The following NUP93 variants were observed in gnomAD, a reference collection of about 807,000 sequenced individuals.
The protein encoded by NUP93 is nucleoporin 93, also known as nuclear pore complex protein Nup93.
A neutral mutation model predicts 107.8 loss-of-function variants in NUP93; 55 were observed. The ratio of observed to expected loss-of-function variants is 0.51; its 90% confidence interval spans 0.41 to 0.64. The LOEUF (loss-of-function observed/expected upper bound fraction) is 0.64, where lower values mean the gene tolerates loss of function less well. NUP93 is among the 30% of genes least tolerant of loss of function. The pLI is 0.00. For missense variants in NUP93, 937 were observed against 1,044.7 expected (o/e 0.90, Z 1.42); for synonymous variants, 390 against 397.5 (o/e 0.98, Z 0.22).
chr16:56,756,221 C>T (rs922695140), intron 2 of NUP93, among the ~76,000 whole-genome samples: 3 of 149,958 alleles, frequency 2.0e-5, no homozygotes, highest in Admixed American at 6.7e-5. Flanking sequence ...TGGTTTGCCA[C>T]ACTTATCAAC....
chr16:56,791,808 T>C (rs1162364142), intron 3 of NUP93, among the ~76,000 whole-genome samples: 5 of 152,226 alleles, frequency 3.3e-5, no homozygotes, highest in African/African-American at 4.8e-5. Context: ...AACACATGAC[T>C]GGAGATACTG....
intron 8 of NUP93, among the ~76,000 whole-genome samples, chr16:56,828,206 A>T (rs564246536): frequency 5.0e-5 from 7 of 138,726 alleles, no homozygotes; most frequent in South Asian, 2.5e-4. Flanking sequence ...AAAAAAAAAA[A>T]AAAAAAAAGA....
intron 2 of NUP93, among the ~76,000 whole-genome samples, chr16:56,755,376 A>G (rs1163261874): frequency 6.7e-6 from 1 of 149,252 alleles, no homozygotes; most frequent in Non-Finnish European, 1.5e-5. Flanking sequence ...AAGACTGTAT[A>G]TTGTGTGATT....
At chr16:56,836,820 C>T (rs1963922219) in intron 17 of NUP93, 103 bp downstream of exon 17, 1 of 703,940 alleles carries the variant, frequency 1.4e-6, no homozygotes, top group South Asian at 1.8e-5. Context: ...AGCACCCTCC[C>T]TGCAGAGGCA....
intron 3 of NUP93, among the ~76,000 whole-genome samples, chr16:56,778,478 G>A (rs1453594013): frequency 6.6e-6 from 1 of 152,154 alleles, no homozygotes; most frequent in African/African-American, 2.4e-5. Context: ...GCCAGTGGAA[G>A]GATAGCTGCT....
At chr16:56,746,083 A>G (rs890448745) in intron 1 of NUP93, among the ~76,000 whole-genome samples, 2 of 152,032 alleles carry the variant, frequency 1.3e-5, no homozygotes. Flanking sequence ...AGTTTTCCTC[A>G]TGAAAGAAAA....
chr16:56,764,565 C>T (rs987091484), intron 3 of NUP93, among the ~76,000 whole-genome samples: 4 of 152,170 alleles, frequency 2.6e-5, no homozygotes, highest in Admixed American at 2.6e-4. Flanking sequence ...TATAGTCTAT[C>T]TTTTAGTTTT....
intron 4 of NUP93, among the ~76,000 whole-genome samples, chr16:56,800,600 A>G (rs1252057127): frequency 6.6e-6 from 1 of 152,252 alleles, no homozygotes; most frequent in Non-Finnish European, 1.5e-5. Flanking sequence ...TCTGGACACC[A>G]GGAAACTGCC....
intron 7 of NUP93, among the ~76,000 whole-genome samples, chr16:56,822,463 T>G (rs1963565114): frequency 1.3e-5 from 2 of 149,582 alleles, no homozygotes; most frequent in Non-Finnish European, 3.0e-5. Flanking sequence ...CAGTGAGCCA[T>G]GATCATGCCA....
At chr16:56,757,811 A>G (rs1305135921) in intron 2 of NUP93, among the ~76,000 whole-genome samples, 1 of 152,234 alleles carries the variant, frequency 6.6e-6, no homozygotes, top group Non-Finnish European at 1.5e-5. Flanking sequence ...CCCTGGGCAA[A>G]TCATTGATCA....
At chr16:56,770,548 G>A (rs928151611) in intron 3 of NUP93, among the ~76,000 whole-genome samples, 40 of 152,122 alleles carry the variant, frequency 2.6e-4, no homozygotes, top group Admixed American at 3.3e-4. Context: ...CAAATAAGAT[G>A]GACTTACTTC....
At chr16:56,787,855 C>T (rs1174221643) in intron 3 of NUP93, among the ~76,000 whole-genome samples, 1 of 152,116 alleles carries the variant, frequency 6.6e-6, no homozygotes, top group Non-Finnish European at 1.5e-5. Context: ...AATGTATCTT[C>T]CTTATCTTAT....
intron 3 of NUP93, among the ~76,000 whole-genome samples, chr16:56,795,708 G>A (rs1962881825): frequency 1.3e-5 from 2 of 151,548 alleles, no homozygotes; most frequent in South Asian, 2.1e-4. Context: ...GTGCAGTGGC[G>A]TGACCTCAGC....
intron 2 of NUP93, among the ~76,000 whole-genome samples, chr16:56,748,730 C>T (rs1825825622): frequency 1.3e-5 from 2 of 152,034 alleles, no homozygotes; most frequent in African/African-American, 4.8e-5. Context: ...TGCTTGGGTT[C>T]AATGATCATT....
intron 5 of NUP93, among the ~76,000 whole-genome samples, chr16:56,812,833 C>T (rs564527109): frequency 6.6e-6 from 1 of 151,978 alleles, no homozygotes; most frequent in African/African-American, 2.4e-5. Flanking sequence ...AAAATGAGAC[C>T]CCTGGCTACG....
intron 3 of NUP93, among the ~76,000 whole-genome samples, chr16:56,789,425 C>T (rs1465705246): frequency 6.6e-6 from 1 of 152,112 alleles, no homozygotes; most frequent in Non-Finnish European, 1.5e-5. Flanking sequence ...TTTTTTAGCC[C>T]AATAGCAGAA....
rs2144457445 is a variant in NUP93, at chr16:56,748,313, C to T, written c.66C>T (p.Gly22=). The change falls in exon 2 of 22, where the codon GGC becomes GGT. Residue 22 remains glycine, a synonymous_variant. Transcript: ENST00000308159. The part of the protein sequence containing the change: ...QAEQLAAETE[G]ISELPHVERN... The stretch of plus-strand genomic sequence containing the variant: ...AACAGCTTGCTGCTGAGACTGAGGG[C>T]ATCTCAGAGCTTCCCCATGTGGAAC... 1.2e-6 allele frequency: 2 copies of T among 1,613,842 alleles called. No homozygotes were observed. Among genetic ancestry groups the T allele is most frequent in the Non-Finnish European group, 8.5e-7 (1 of 1,179,804 alleles).
chr16:56,842,276 T>G (rs1447919661), intron 21 of NUP93, among the ~76,000 whole-genome samples: 1 of 152,180 alleles, frequency 6.6e-6, no homozygotes, highest in Non-Finnish European at 1.5e-5. Flanking sequence ...TAGGACAGCA[T>G]CTTATCCCCT....
At chr16:56,810,149 A>G (rs762603151) in intron 5 of NUP93, among the ~76,000 whole-genome samples, 6 of 152,328 alleles carry the variant, frequency 3.9e-5, no homozygotes, top group African/African-American at 9.6e-5. Flanking sequence ...GGAGTTATCT[A>G]TGCTTTTCCT....
Sources: allele counts gnomAD v4.1 joint callset (sites outside exome capture counted in the v4.1 genomes callset), GRCh38; gene constraint gnomAD v4.1.1; transcripts MANE v1.5; gene names NCBI Gene and HGNC (gene_info 2026-07-23, HGNC 2026-07-21).